Variants in GMDS observed in about 807,000 individuals in gnomAD.
GMDS encodes GDP-mannose 4,6 dehydratase.
In GMDS, 20 loss-of-function variants were observed where a neutral mutation model predicts 49.9. The observed-to-expected ratio is 0.40, with a 90% CI of 0.28 to 0.58. The LOEUF is 0.58. GMDS is among the 20% of genes least tolerant of loss of function. GMDS has a pLI of 0.42. For synonymous variants in GMDS, 177 were observed against 178.6 expected (o/e 0.99, Z 0.07); for missense variants, 362 against 481.4 (o/e 0.75, Z 2.32).
chr6:1,704,400 G>A (rs373080399), intron 9 of GMDS, among the ~76,000 whole-genome samples: 1 of 152,164 alleles, frequency 6.6e-6, no homozygotes, highest in Admixed American at 6.5e-5. Flanking sequence ...GTGGGCAACA[G>A]AGAGCCACTG....
intron 4 of GMDS, among the ~76,000 whole-genome samples, chr6:1,967,438 TGA>T (rs1395238737): frequency 6.6e-6 from 1 of 152,214 alleles, no homozygotes; most frequent in South Asian, 2.1e-4. Context: ...GGAAAGAAAA[TGA>T]GCTATGAGAA....
intron 1 of GMDS, among the ~76,000 whole-genome samples, chr6:2,193,720 A>ATTTTTTTT (rs35997013): frequency 3.6e-5 from 4 of 111,790 alleles, no homozygotes; most frequent in Non-Finnish European, 3.6e-5. Context: ...TGAAAATGCT[A>ATTTTTTTT]TTTTTTTTTT....
At chr6:1,757,335 G>A (rs948278460) in intron 7 of GMDS, among the ~76,000 whole-genome samples, 15 of 152,162 alleles carry the variant, frequency 9.9e-5, no homozygotes, top group African/African-American at 3.6e-4. Context: ...GTTTCCTGGA[G>A]CGTGCCAAGC....
intron 2 of GMDS, among the ~76,000 whole-genome samples, chr6:2,122,790 T>C (rs572348254): frequency 5.3e-4 from 81 of 152,362 alleles, no homozygotes; most frequent in Admixed American, 1.0e-3. Flanking sequence ...TTTCTGATTA[T>C]GCTTTGTGGC....
At chr6:1,894,978 G>A (rs1005907192) in intron 7 of GMDS, among the ~76,000 whole-genome samples, 2 of 152,076 alleles carry the variant, frequency 1.3e-5, no homozygotes, top group African/African-American at 4.8e-5. Context: ...CCCCTTTAGG[G>A]TCTACAATTT....
intron 1 of GMDS, among the ~76,000 whole-genome samples, chr6:2,151,827 A>C (rs528510641): frequency 1.3e-5 from 2 of 152,196 alleles, no homozygotes; most frequent in African/African-American, 4.8e-5. Flanking sequence ...CTAAATGTCA[A>C]CCATTAACAC....
At position 2,166,465 on chromosome 6, in the gene GMDS, TACAGATGAAGAA is replaced by T. The variant is rs756036630; in HGVS notation, c.103-41746_103-41735del. 5.8e-4 allele frequency among the ~76,000 whole-genome samples: 88 copies of T among 152,328 alleles called. 1 individual carries two copies. Among genetic ancestry groups the T allele is most frequent in the Admixed American group, 1.7e-3 (26 of 15,296 alleles). On this transcript the variant is annotated intron_variant, in intron 1 of 10. Coordinates refer to ENST00000380815, the MANE Select transcript of GMDS (RefSeq NM_001500.4). ...ACAGCATGTAAGAATATTTTCATTG[TACAGATGAAGAA>T]ACAAGCTCAGAGTTCAAGTAAATTA...
At chr6:1,989,630 G>A (rs2449973) in intron 4 of GMDS, among the ~76,000 whole-genome samples, 1 of 152,212 alleles carries the variant, frequency 6.6e-6, no homozygotes, top group African/African-American at 2.4e-5. Context: ...GTGGGCACTA[G>A]ATGACTAACT....
chr6:1,903,146 C>CA (rs887211220), intron 7 of GMDS, among the ~76,000 whole-genome samples: 25 of 152,150 alleles, frequency 1.6e-4, no homozygotes, highest in African/African-American at 6.0e-4. Context: ...CACATTACCA[C>CA]AAAAAAAGAT....
At chr6:1,653,369 T>G (rs1487011348) in intron 9 of GMDS, among the ~76,000 whole-genome samples, 5 of 152,220 alleles carry the variant, frequency 3.3e-5, no homozygotes, top group Admixed American at 1.3e-4. Context: ...TAAAGATCAT[T>G]ACACAAAGTG....
chr6:1,871,832 C>G (rs1227507605), intron 7 of GMDS, among the ~76,000 whole-genome samples: 1 of 152,200 alleles, frequency 6.6e-6, no homozygotes, highest in East Asian at 1.9e-4. Context: ...TTCACATTAA[C>G]AGCACGGCAA....
chr6:1,866,370 C>G (rs1041869244), intron 7 of GMDS, among the ~76,000 whole-genome samples: 1 of 152,080 alleles, frequency 6.6e-6, no homozygotes, highest in Non-Finnish European at 1.5e-5. Flanking sequence ...CTGAGCTTCA[C>G]GAAGTTTACA....
At chr6:1,953,655 T>G (rs1763476565) in intron 6 of GMDS, among the ~76,000 whole-genome samples, 3 of 152,206 alleles carry the variant, frequency 2.0e-5, no homozygotes. Context: ...TTCTTCTTAT[T>G]TACCTCCTAA....
chr6:1,853,432 G>T (rs1302461903), intron 7 of GMDS, among the ~76,000 whole-genome samples: 1 of 149,256 alleles, frequency 6.7e-6, no homozygotes, highest in Non-Finnish European at 1.5e-5. Context: ...GCAGGAGAAT[G>T]GCGTGAACCC....
In GMDS at chr6:1,635,181, TC is replaced by T. The variant is rs1340112401; in HGVS notation, c.988-10642del. Among the ~76,000 whole-genome samples, 4 of 152,168 alleles carry T rather than the reference TC, an allele frequency of 2.6e-5. No homozygotes were observed. Among genetic ancestry groups the T allele is most frequent in the African/African-American group, 9.7e-5 (4 of 41,450 alleles). ...TCATATCATTCCATGGAGCACGCCT[TC>T]TTGTTTTGATCCTGATTTGAGGCCA... On this transcript the variant is annotated intron_variant, in intron 9 of 10. Coordinates refer to ENST00000380815, the MANE Select transcript of GMDS (RefSeq NM_001500.4). The surrounding 1 kb of genome is among the most constrained non-coding windows in gnomAD (Gnocchi z 4.7).
chr6:1,893,027 G>A (rs1759951750), intron 7 of GMDS, among the ~76,000 whole-genome samples: 1 of 152,080 alleles, frequency 6.6e-6, no homozygotes, highest in Non-Finnish European at 1.5e-5. Flanking sequence ...GTCCCAAAGA[G>A]GGCAACGAAA....
intron 7 of GMDS, among the ~76,000 whole-genome samples, chr6:1,827,016 A>G (rs189463088): frequency 6.6e-6 from 1 of 151,938 alleles, no homozygotes; most frequent in Non-Finnish European, 1.5e-5. Flanking sequence ...ACAGTGAGCT[A>G]TGATTGTGGC....
chr6:2,064,806 A>G (rs762176845), intron 4 of GMDS, among the ~76,000 whole-genome samples: 2 of 152,202 alleles, frequency 1.3e-5, no homozygotes, highest in Non-Finnish European at 1.5e-5. Context: ...GGGATGCCAC[A>G]ATAGACCACT....
At chr6:1,753,833 A>G (rs1168290200) in intron 7 of GMDS, among the ~76,000 whole-genome samples, 1 of 152,230 alleles carries the variant, frequency 6.6e-6, no homozygotes, top group Non-Finnish European at 1.5e-5. Flanking sequence ...ATTTGAAACC[A>G]ACAAGAACAA....
Sources: gnomAD v4.1 joint callset for allele counts (sites outside exome capture counted in the v4.1 genomes callset) on GRCh38, gnomAD v4.1.1 for gene constraint, Gnocchi (gnomAD v3.1) non-coding constraint, MANE v1.5 for transcripts, NCBI Gene and HGNC (gene_info 2026-07-23, HGNC 2026-07-21) for gene names.